The following FTO variants were observed in gnomAD, a reference collection of about 807,000 sequenced individuals.
FTO encodes alpha-ketoglutarate-dependent dioxygenase FTO.
A neutral mutation model predicts 63.9 loss-of-function variants in FTO; 47 were observed. The observed-to-expected ratio is 0.74, with a 90% CI of 0.58 to 0.94. FTO has a LOEUF of 0.94. FTO is among the 40% of genes least tolerant of loss of function. The pLI, the probability that FTO is intolerant of heterozygous loss-of-function variation, is 0.00. For synonymous variants in FTO, 207 were observed against 224.4 expected, an observed-to-expected ratio of 0.92 and a Z score of 0.69; for missense variants, 562 against 618.1, an observed-to-expected ratio of 0.91 and a Z score of 0.96.
At chr16:53,710,266 CTTT>C (rs564940054) in intron 1 of FTO, among the ~76,000 whole-genome samples, 7 of 132,856 alleles carry the variant, frequency 5.3e-5, no homozygotes, top group Admixed American at 7.6e-5. Flanking sequence ...CAGATTTTGC[CTTT>C]TTTTTTTTTT....
At chr16:53,953,510 A>T (rs763762208) in intron 8 of FTO, among the ~76,000 whole-genome samples, 6 of 152,210 alleles carry the variant, frequency 3.9e-5, no homozygotes, top group African/African-American at 7.2e-5. Context: ...ATTTATAGTC[A>T]CCCAGACCAG....
At chr16:53,999,662 C>A (rs2084023680) in intron 8 of FTO, 1 of 152,182 alleles carries the variant, frequency 6.6e-6, no homozygotes, top group Admixed American at 6.5e-5. Context: ...GGCATTGTCC[C>A]CTTTTATATT....
intron 2 of FTO, among the ~76,000 whole-genome samples, chr16:53,812,054 C>T (rs2078542334): frequency 6.6e-6 from 1 of 151,912 alleles, no homozygotes; most frequent in Non-Finnish European, 1.5e-5. Context: ...CTCAAGCGAT[C>T]CACACACCTT....
chr16:53,710,016 G>C (rs2075727724), intron 1 of FTO, among the ~76,000 whole-genome samples: 2 of 151,728 alleles, frequency 1.3e-5, no homozygotes. Flanking sequence ...TTTTTTTCCT[G>C]GTCCAGGTTC....
intron 1 of FTO, among the ~76,000 whole-genome samples, chr16:53,762,565 C>T (rs1054855035): frequency 6.6e-6 from 1 of 151,978 alleles, no homozygotes; most frequent in Non-Finnish European, 1.5e-5. Context: ...ATATTTACAC[C>T]CATAGAGCAT....
intron 4 of FTO, among the ~76,000 whole-genome samples, chr16:53,869,462 C>T (rs1294481508): frequency 1.3e-5 from 2 of 150,400 alleles, no homozygotes; most frequent in African/African-American, 4.9e-5. Context: ...TAATTTTCTT[C>T]TGTTCCTTTC....
intron 8 of FTO, among the ~76,000 whole-genome samples, chr16:53,975,748 A>G (rs2083422541): frequency 6.6e-6 from 1 of 152,162 alleles, no homozygotes; most frequent in Non-Finnish European, 1.5e-5. Context: ...TAAAATTACT[A>G]TTTTTTGTAG....
At chr16:54,067,537 A>G (rs1443313387) in intron 8 of FTO, among the ~76,000 whole-genome samples, 1 of 152,232 alleles carries the variant, frequency 6.6e-6, no homozygotes, top group Non-Finnish European at 1.5e-5. Flanking sequence ...GTGTGTTGCT[A>G]TTGCAGTGAG....
At chr16:53,781,972 CAATT>C (rs2077599810) in intron 1 of FTO, among the ~76,000 whole-genome samples, 1 of 152,218 alleles carries the variant, frequency 6.6e-6, no homozygotes, top group African/African-American at 2.4e-5. Flanking sequence ...ATTCATATGA[CAATT>C]AAAGAGAGAG....
chr16:53,847,730 T>G (rs2079670016), intron 4 of FTO, among the ~76,000 whole-genome samples: 1 of 151,072 alleles, frequency 6.6e-6, no homozygotes, highest in South Asian at 2.1e-4. Context: ...ATCACGCCAT[T>G]GCACTCCAGT....
At chr16:53,835,495 A>G (rs1197360270) in intron 3 of FTO, among the ~76,000 whole-genome samples, 1 of 152,156 alleles carries the variant, frequency 6.6e-6, no homozygotes, top group Non-Finnish European at 1.5e-5. Context: ...TTAGGAAATA[A>G]TATTTTTTTT....
At chr16:53,924,671 G>T (rs972528364) in intron 7 of FTO, among the ~76,000 whole-genome samples, 2 of 152,188 alleles carry the variant, frequency 1.3e-5, no homozygotes, top group Non-Finnish European at 2.9e-5. Context: ...GTGGCACCCA[G>T]TGGTGACTTG....
At chr16:53,738,354 C>G (rs564302247) in intron 1 of FTO, among the ~76,000 whole-genome samples, 2 of 152,286 alleles carry the variant, frequency 1.3e-5, no homozygotes, top group South Asian at 2.1e-4. Flanking sequence ...GTTGCCTAGG[C>G]TGTTCTTGAA....
intron 7 of FTO, among the ~76,000 whole-genome samples, chr16:53,910,226 G>C (rs1392633736): frequency 6.6e-6 from 1 of 152,136 alleles, no homozygotes; most frequent in African/African-American, 2.4e-5. Flanking sequence ...GTACCTAGGT[G>C]GGGTAGAACT....
chr16:53,857,574 C>G lies in FTO; in HGVS notation c.895+13276C>G, dbSNP rs1488644552. Among the ~76,000 whole-genome samples, 3 of 151,996 alleles carry G rather than the reference C, an allele frequency of 2.0e-5. No individual in the cohort carries two copies. The East Asian group carries it at 5.8e-4, about 29-fold the overall frequency. Reference sequence around the variant, plus strand: ...GCTAGAGTAGGCTTGGAGCCTTCGTCTTTGGAGGCCACCCTATCACTGGGG... The same window carrying G: ...GCTAGAGTAGGCTTGGAGCCTTCGTGTTTGGAGGCCACCCTATCACTGGGG... On this transcript the variant is annotated intron_variant, in intron 4 of 8. Transcript: ENST00000471389.
intron 1 of FTO, 58 bp from the exon 2 acceptor site, chr16:53,810,082 A>C (rs2078480692): frequency 1.8e-6 from 2 of 1,118,296 alleles, no homozygotes; most frequent in Non-Finnish European, 2.7e-6. Flanking sequence ...AAAATAAGAG[A>C]GTGTCTTACT....
At chr16:53,857,464 CTCTT>C (rs202082599) in intron 4 of FTO, among the ~76,000 whole-genome samples, 1 of 146,150 alleles carries the variant, frequency 6.8e-6, no homozygotes, top group African/African-American at 2.6e-5. Context: ...CTCTCTCTCT[CTCTT>C]TCTATATATA....
intron 8 of FTO, among the ~76,000 whole-genome samples, chr16:54,011,608 A>C (rs2084335913): frequency 6.6e-6 from 1 of 152,208 alleles, no homozygotes; most frequent in African/African-American, 2.4e-5. Context: ...TAAGTCTACC[A>C]GTGCCATTTT....
chr16:53,844,108 C>G, intron 3 of FTO, 47 bp from the exon 4 acceptor site: 1 of 1,520,042 alleles, frequency 6.6e-7, no homozygotes, highest in South Asian at 1.1e-5. Context: ...AATTCAGAAG[C>G]TTAGATTAAA....
Sources: gnomAD v4.1 joint callset for allele counts (sites outside exome capture counted in the v4.1 genomes callset) on GRCh38, gnomAD v4.1.1 for gene constraint, MANE v1.5 for transcripts, NCBI Gene and HGNC (gene_info 2026-07-23, HGNC 2026-07-21) for gene names.